Variants in NXPH1 observed in about 807,000 individuals in gnomAD.
NXPH1 encodes the protein neurexophilin-1.
NXPH1 carries 5 observed loss-of-function variants against 23.7 expected under a neutral mutation model. The observed-to-expected ratio is 0.21, with a 90% confidence interval of 0.11 to 0.44. The LOEUF (loss-of-function observed/expected upper bound fraction) is 0.44, where lower values mean the gene tolerates loss of function less well. Ranked by LOEUF, NXPH1 falls within the 20% of genes least tolerant of loss-of-function variation. NXPH1 has a pLI of 0.99. For missense variants in NXPH1, 324 were observed against 321.6 expected (o/e 1.01, Z -0.06); for synonymous variants, 144 against 122.2 (o/e 1.18, Z -1.18).
intron 2 of NXPH1, among the ~76,000 whole-genome samples, chr7:8,497,296 A>G (rs185308032): frequency 6.6e-5 from 10 of 152,116 alleles, no homozygotes; most frequent in Admixed American, 1.3e-4. Context: ...AGTCTTTGTT[A>G]TTGTGAATAG....
intron 2 of NXPH1, among the ~76,000 whole-genome samples, chr7:8,706,007 T>C (rs1779698960): frequency 6.6e-6 from 1 of 152,176 alleles, no homozygotes; most frequent in African/African-American, 2.4e-5. Context: ...CTCTTCTACA[T>C]AGGCCTAGTG....
rs551437176 is a variant in NXPH1 at position 8,628,472 on chromosome 7, A to C, written c.55-122536A>C. ...AACCCAAACCCAACAACAATCAAAC[A>C]TTTAAGAGGAAAGTCAGGGACAAGA... On this transcript the variant is annotated intron_variant, in intron 2 of 2. Coordinates refer to ENST00000405863, the MANE Select transcript of NXPH1 (RefSeq NM_152745.3). 1.4e-4 allele frequency among the ~76,000 whole-genome samples: 22 copies of C among 152,120 alleles called. No individual in the cohort carries two copies. In the East Asian group the frequency reaches 4.2e-3, roughly 29 times the overall value.
At chr7:8,748,785 A>G (rs1281515461) in intron 2 of NXPH1, among the ~76,000 whole-genome samples, 1 of 152,184 alleles carries the variant, frequency 6.6e-6, no homozygotes, top group Non-Finnish European at 1.5e-5. Flanking sequence ...CGCATGATGA[A>G]GTTGCGTTTT....
At chr7:8,750,472 G>A (rs1278476733) in intron 2 of NXPH1, among the ~76,000 whole-genome samples, 2 of 152,050 alleles carry the variant, frequency 1.3e-5, no homozygotes, top group South Asian at 4.2e-4. Flanking sequence ...AACAGGCTCT[G>A]GTGTGTGCTG....
chr7:8,692,610 A>G (rs1821239347), intron 2 of NXPH1, among the ~76,000 whole-genome samples: 1 of 152,122 alleles, frequency 6.6e-6, no homozygotes, highest in South Asian at 2.1e-4. Flanking sequence ...TTATCTGGAA[A>G]AGTGCTACTC....
intron 2 of NXPH1, among the ~76,000 whole-genome samples, chr7:8,449,654 C>T (rs1816470806): frequency 6.6e-6 from 1 of 152,116 alleles, no homozygotes; most frequent in South Asian, 2.1e-4. Context: ...CTCAGGCAGT[C>T]TTATTCTTGA....
At chr7:8,630,001 A>G (rs905612402) in intron 2 of NXPH1, among the ~76,000 whole-genome samples, 2 of 152,162 alleles carry the variant, frequency 1.3e-5, no homozygotes, top group African/African-American at 4.8e-5. Context: ...TAAAGAGGCC[A>G]AGATGGGTGG....
At chr7:8,692,776 T>C (rs12702767) in intron 2 of NXPH1, among the ~76,000 whole-genome samples, 30,643 of 152,030 alleles carry the variant, frequency 0.2, 3,233 homozygotes, top group Middle Eastern at 0.37. Context: ...AGGGTGATGG[T>C]AACTTCTAAA....
chr7:8,445,901 G>A (rs1332251955), intron 2 of NXPH1, among the ~76,000 whole-genome samples: 1 of 152,226 alleles, frequency 6.6e-6, no homozygotes, highest in African/African-American at 2.4e-5. Context: ...TTTTGGTAAA[G>A]AGGAACTACA....
At chr7:8,491,067 G>A (rs948676417) in intron 2 of NXPH1, among the ~76,000 whole-genome samples, 1 of 150,842 alleles carries the variant, frequency 6.6e-6, no homozygotes, top group African/African-American at 2.4e-5. Flanking sequence ...ATTTTTTTTT[G>A]CCTAATGTTC....
chr7:8,736,955 C>CTTT (rs201607337), intron 2 of NXPH1, among the ~76,000 whole-genome samples: 1 of 145,090 alleles, frequency 6.9e-6, no homozygotes, highest in African/African-American at 2.5e-5. Context: ...CAACCCCTAC[C>CTTT]TTTTTTTTTT....
chr7:8,675,002 T>G (rs994410628), intron 2 of NXPH1, among the ~76,000 whole-genome samples: 1 of 152,174 alleles, frequency 6.6e-6, no homozygotes, highest in Non-Finnish European at 1.5e-5. Flanking sequence ...CCCTGACTAT[T>G]TCCTACCAGG....
chr7:8,514,268 A>G (rs1191907616), intron 2 of NXPH1, among the ~76,000 whole-genome samples: 2 of 152,144 alleles, frequency 1.3e-5, no homozygotes, highest in African/African-American at 2.4e-5. Context: ...GGCTGAAGCT[A>G]TAAGTGTTGC....
At chr7:8,651,131 C>T (rs1179308792) in intron 2 of NXPH1, among the ~76,000 whole-genome samples, 1 of 149,856 alleles carries the variant, frequency 6.7e-6, no homozygotes, top group African/African-American at 2.5e-5. Flanking sequence ...ACTCCCCCCA[C>T]CCCACAACAG....
chr7:8,618,522 C>T (rs1819795264), intron 2 of NXPH1, among the ~76,000 whole-genome samples: 1 of 152,110 alleles, frequency 6.6e-6, no homozygotes, highest in African/African-American at 2.4e-5. Context: ...CCTTCATACT[C>T]TTTATGTGCT....
In NXPH1 at chr7:8,435,643, G is replaced by T. The variant is rs1816179988; in HGVS notation, c.-71G>T. On this transcript the variant is annotated 5_prime_UTR_variant, in exon 2 of 3. It adds an upstream start codon to the 5' untranslated region. Transcript: ENST00000405863. The surrounding 1 kb of genome is among the most constrained non-coding windows in gnomAD (Gnocchi z 5.9). ...TCCTTGCTCTGTAAAGTGGATGTCA[G>T]GTGGATCTATGTTTCTGAAGGAACA... The T allele has an allele frequency of 7.1e-7, 1 of 1,403,906 alleles. No homozygotes were observed. Among genetic ancestry groups the T allele is most frequent in the Non-Finnish European group, 1.0e-6 (1 of 988,406 alleles). 87.0% of individuals were successfully genotyped at this position (1,403,906 alleles called of 1,614,324 possible).
At chr7:8,565,753 C>T (rs1215763044) in intron 2 of NXPH1, among the ~76,000 whole-genome samples, 1 of 151,860 alleles carries the variant, frequency 6.6e-6, no homozygotes, top group South Asian at 2.1e-4. Flanking sequence ...ACTTATACTA[C>T]CTCTTGGCCC....
At chr7:8,706,230 A>G (rs2115192912) in intron 2 of NXPH1, among the ~76,000 whole-genome samples, 1 of 152,344 alleles carries the variant, frequency 6.6e-6, no homozygotes, top group Admixed American at 6.5e-5. Flanking sequence ...TGGATCATCA[A>G]GTAACCGTGC....
chr7:8,663,292 A>C (rs1820708762), intron 2 of NXPH1, among the ~76,000 whole-genome samples: 1 of 152,086 alleles, frequency 6.6e-6, no homozygotes, highest in African/African-American at 2.4e-5. Flanking sequence ...CACAGTGTGC[A>C]CAATTTTCCT....
Sources: gnomAD v4.1 joint callset for allele counts (sites outside exome capture counted in the v4.1 genomes callset) on GRCh38, gnomAD v4.1.1 for gene constraint, Gnocchi (gnomAD v3.1) non-coding constraint, MANE v1.5 for transcripts, NCBI Gene and HGNC (gene_info 2026-07-23, HGNC 2026-07-21) for gene names.